Variants in PTPRM observed in about 807,000 individuals in gnomAD.
PTPRM encodes receptor-type tyrosine-protein phosphatase mu.
Under a neutral mutation model 186.7 loss-of-function variants are expected in PTPRM, and 47 were observed. The observed-to-expected ratio is 0.25, with a 90% CI of 0.20 to 0.32. The LOEUF (loss-of-function observed/expected upper bound fraction) is 0.32. Among genes scored for constraint, PTPRM ranks in the 10% least tolerant of loss-of-function variants. PTPRM has a pLI of 1.00. For synonymous variants in PTPRM, 668 were observed against 674.9 expected (o/e 0.99, Z 0.16); for missense variants, 1,494 against 1,865.0 (o/e 0.80, Z 3.66).
chr18:8,045,729 C>G (rs1384598771), intron 7 of PTPRM, among the ~76,000 whole-genome samples: 1 of 152,098 alleles, frequency 6.6e-6, no homozygotes, highest in African/African-American at 2.4e-5. Flanking sequence ...GGAAATGTTC[C>G]AAACATAGAT....
chr18:7,757,623 G>A (rs767352681), intron 1 of PTPRM, among the ~76,000 whole-genome samples: 6 of 152,114 alleles, frequency 3.9e-5, no homozygotes, highest in African/African-American at 7.2e-5. Flanking sequence ...CACCATGTGG[G>A]GTGATAAGGG....
At chr18:7,857,935 T>G (rs1453163006) in intron 2 of PTPRM, among the ~76,000 whole-genome samples, 2 of 152,172 alleles carry the variant, frequency 1.3e-5, no homozygotes, top group Non-Finnish European at 2.9e-5. Flanking sequence ...GAGAAAGAGC[T>G]TACTTTAATG....
chr18:8,339,056 CGAT>C (rs1568779488), intron 22 of PTPRM, among the ~76,000 whole-genome samples: 1 of 151,962 alleles, frequency 6.6e-6, no homozygotes, highest in African/African-American at 2.4e-5. Context: ...ATTGTTGAAA[CGAT>C]GATTTTTGAT....
intron 14 of PTPRM, among the ~76,000 whole-genome samples, chr18:8,203,137 A>G (rs2093880949): frequency 6.6e-6 from 1 of 152,228 alleles, no homozygotes. Context: ...TATTCTTGGG[A>G]AATGCAAGGA....
At chr18:8,200,314 G>A (rs1468246325) in intron 14 of PTPRM, among the ~76,000 whole-genome samples, 1 of 152,034 alleles carries the variant, frequency 6.6e-6, no homozygotes, top group African/African-American at 2.4e-5. Flanking sequence ...GGTGGGGAGG[G>A]AGCTGGGATG....
At chr18:8,176,212 AG>A (rs2146522290) in intron 14 of PTPRM, among the ~76,000 whole-genome samples, 3 of 151,432 alleles carry the variant, frequency 2.0e-5, no homozygotes, top group Non-Finnish European at 4.4e-5. Flanking sequence ...TAATAGAGAG[AG>A]AGAGAGAGAG....
intron 13 of PTPRM, among the ~76,000 whole-genome samples, chr18:8,142,507 C>G (rs369475537): frequency 6.6e-6 from 1 of 152,166 alleles, no homozygotes; most frequent in Non-Finnish European, 1.5e-5. Context: ...TCAGTGATAA[C>G]TCATTTTAGA....
chr18:7,686,316 T>G (rs2144610762), intron 1 of PTPRM, among the ~76,000 whole-genome samples: 1 of 152,326 alleles, frequency 6.6e-6, no homozygotes, highest in East Asian at 1.9e-4. Flanking sequence ...CTGTAGAATC[T>G]CTTGTTACTT....
At chr18:8,194,696 C>G (rs1181194577) in intron 14 of PTPRM, among the ~76,000 whole-genome samples, 2 of 152,246 alleles carry the variant, frequency 1.3e-5, no homozygotes, top group East Asian at 3.8e-4. Flanking sequence ...TGTATTCATC[C>G]AACATATCCT....
chr18:8,019,731 C>A (rs1419955007), intron 7 of PTPRM, among the ~76,000 whole-genome samples: 3 of 148,758 alleles, frequency 2.0e-5, no homozygotes, highest in East Asian at 3.9e-4. Flanking sequence ...TCATTATAAA[C>A]ATAAATATAT....
chr18:7,890,133 TACTC>T (rs2048996293), intron 3 of PTPRM, among the ~76,000 whole-genome samples: 9 of 152,326 alleles, frequency 5.9e-5, no homozygotes, highest in Admixed American at 4.6e-4. Context: ...GTATTGAAAA[TACTC>T]AATTAATGGC....
intron 19 of PTPRM, among the ~76,000 whole-genome samples, chr18:8,283,060 G>A (rs1236615373): frequency 1.3e-5 from 2 of 152,170 alleles, no homozygotes; most frequent in East Asian, 3.9e-4. Flanking sequence ...TGGATTCCAG[G>A]AATTAGGGGA....
At chr18:8,342,728 A>C (rs766634179) in intron 22 of PTPRM, among the ~76,000 whole-genome samples, 28 of 152,188 alleles carry the variant, frequency 1.8e-4, no homozygotes, top group Non-Finnish European at 3.4e-4. Context: ...TTAAATTCCA[A>C]CTTTCTTTAC....
chr18:7,694,660 T>C (rs1274505097), intron 1 of PTPRM, among the ~76,000 whole-genome samples: 9 of 151,172 alleles, frequency 6.0e-5, no homozygotes, highest in Non-Finnish European at 1.3e-4. Flanking sequence ...CCCCTGACCT[T>C]AGGCGATCCA....
At chr18:7,684,304 T>A (rs920600407) in intron 1 of PTPRM, among the ~76,000 whole-genome samples, 12 of 146,820 alleles carry the variant, frequency 8.2e-5, no homozygotes, top group South Asian at 2.1e-4. Flanking sequence ...TAAAAAAAAA[T>A]AAATAAATAA....
chr18:8,315,848 G>A (rs901170644), intron 21 of PTPRM, among the ~76,000 whole-genome samples: 2 of 152,128 alleles, frequency 1.3e-5, no homozygotes, highest in African/African-American at 4.8e-5. Context: ...AGATTTTTGG[G>A]TAGGGACTGG....
chr18:8,222,191 G>A (rs980693921), intron 14 of PTPRM, among the ~76,000 whole-genome samples: 3 of 152,160 alleles, frequency 2.0e-5, no homozygotes, highest in African/African-American at 7.2e-5. Flanking sequence ...TGCAAATATG[G>A]AGGTTTTTTC....
At chr18:7,693,596 C>T (rs1185213423) in intron 1 of PTPRM, among the ~76,000 whole-genome samples, 1 of 152,158 alleles carries the variant, frequency 6.6e-6, no homozygotes, top group Non-Finnish European at 1.5e-5. Flanking sequence ...ATGTGAAATG[C>T]TGTGTGGCGT....
rs550942778 is a variant in PTPRM at position 8,252,020 on chromosome 18, G to A, written c.2555-468G>A. On this transcript the variant is annotated intron_variant, in intron 17 of 32. Coordinates refer to ENST00000580170, the MANE Select transcript of PTPRM (RefSeq NM_001105244.2). ...AGAATGTGGAATTCTTAATCTAATA[G>A]CATTTCCCTGCATAAGACATTTTTA... is the stretch of plus-strand genomic sequence containing the variant. Among the ~76,000 whole-genome samples the A allele has an allele frequency of 2.6e-5, 4 of 152,124 alleles. No individual in the cohort carries two copies. The South Asian group carries it at 6.2e-4, about 24-fold the overall frequency.
Sources: gnomAD v4.1 joint callset for allele counts (sites outside exome capture counted in the v4.1 genomes callset) on GRCh38, gnomAD v4.1.1 for gene constraint, MANE v1.5 for transcripts, NCBI Gene and HGNC (gene_info 2026-07-23, HGNC 2026-07-21) for gene names.